ACSS3: variants seen among roughly 807,000 people sequenced by gnomAD.
ACSS3 encodes the protein acyl-CoA synthetase short chain family member 3.
Under a neutral mutation model 84.2 loss-of-function variants are expected in ACSS3, and 64 were observed. The observed-to-expected ratio is 0.76, with a 90% CI of 0.62 to 0.94. ACSS3 has a LOEUF of 0.94. Among genes scored for constraint, ACSS3 ranks in the 40% least tolerant of loss-of-function variants. The probability of loss-of-function intolerance (pLI) is 0.00; values close to 1 mark genes in which losing one functional copy is unlikely to be tolerated. For missense variants in ACSS3, 815 were observed against 867.6 expected (o/e 0.94, Z 0.76); for synonymous variants, 317 against 310.1 (o/e 1.02, Z -0.23).
chr12:81,258,761 A>G lies in ACSS3; in HGVS notation c.*3839A>G, dbSNP rs1258728150. On this transcript the variant is annotated 3_prime_UTR_variant, in exon 16 of 16. Coordinates refer to ENST00000548058, the MANE Select transcript of ACSS3 (RefSeq NM_024560.4). The stretch of plus-strand genomic sequence containing the variant: ...GGTTTCGTTTTCTCTAGTGGAAATG[A>G]GCCTCAGACTCTGCGGTGGTTGACA... 1 of 151,976 alleles carries G rather than the reference A, an allele frequency of 6.6e-6. No homozygotes were observed. The highest frequency in any genetic ancestry group is 1.5e-5 in the Non-Finnish European group (1 of 67,992). The allele number at this position is 151,976 out of a possible 1,614,324, so 9.4% of individuals were successfully genotyped here.
At chr12:81,104,054 G>T in intron 1 of ACSS3, among the ~76,000 whole-genome samples, 1 of 152,078 alleles carries the variant, frequency 6.6e-6, no homozygotes. Context: ...ACAAGACAGA[G>T]AAAATATACT....
At chr12:81,115,327 C>T (rs1033984000) in intron 2 of ACSS3, among the ~76,000 whole-genome samples, 6 of 152,074 alleles carry the variant, frequency 3.9e-5, no homozygotes, top group Non-Finnish European at 8.8e-5. Flanking sequence ...AAAACAGTGT[C>T]GACAATTCCA....
intron 11 of ACSS3, among the ~76,000 whole-genome samples, chr12:81,224,536 G>A (rs76565271): frequency 1.6e-3 from 243 of 147,572 alleles, no homozygotes; most frequent in African/African-American, 5.7e-3. Flanking sequence ...ATATATATAT[G>A]CATATACATA....
intron 9 of ACSS3, among the ~76,000 whole-genome samples, chr12:81,209,806 A>G (rs966763664): frequency 2.6e-5 from 4 of 152,154 alleles, no homozygotes; most frequent in African/African-American, 9.7e-5. Flanking sequence ...AGCACTTCCC[A>G]GAAGTGCGGG....
At chr12:81,150,254 CAT>C (rs1269562204) in intron 5 of ACSS3, among the ~76,000 whole-genome samples, 5 of 152,112 alleles carry the variant, frequency 3.3e-5, no homozygotes, top group African/African-American at 1.2e-4. Flanking sequence ...AATTTTAAAA[CAT>C]GTTTAATTGA....
chr12:81,182,489 T>A (rs2031001571), intron 8 of ACSS3, among the ~76,000 whole-genome samples: 1 of 152,132 alleles, frequency 6.6e-6, no homozygotes, highest in African/African-American at 2.4e-5. Flanking sequence ...GGTGCATAAA[T>A]CATACCTACA....
intron 7 of ACSS3, among the ~76,000 whole-genome samples, chr12:81,157,313 A>G (rs546627105): frequency 5.3e-5 from 8 of 152,212 alleles, no homozygotes; most frequent in Non-Finnish European, 5.9e-5. Flanking sequence ...TTCATTCATA[A>G]TGAAGAGCTA....
chr12:81,133,609 A>T (rs1170615463), intron 2 of ACSS3, among the ~76,000 whole-genome samples: 1 of 152,010 alleles, frequency 6.6e-6, no homozygotes, highest in African/African-American at 2.4e-5. Context: ...TTGCTTTCTT[A>T]GTGAGCTCCC....
intron 9 of ACSS3, 106 bp from the exon 10 acceptor site, chr12:81,216,795 G>A: frequency 3.6e-6 from 3 of 824,928 alleles, no homozygotes; most frequent in Non-Finnish European, 2.0e-6. Context: ...TCCTAACACA[G>A]CTGCATTGTA....
chr12:81,254,401 T>G (rs2034244872), intron 15 of ACSS3, among the ~76,000 whole-genome samples: 1 of 152,200 alleles, frequency 6.6e-6, no homozygotes, highest in Non-Finnish European at 1.5e-5. Context: ...ATGCTCTAAC[T>G]GATAAATGCT....
chr12:81,117,503 G>A (rs1286578375), intron 2 of ACSS3, among the ~76,000 whole-genome samples: 1 of 152,068 alleles, frequency 6.6e-6, no homozygotes, highest in African/African-American at 2.4e-5. Flanking sequence ...ATATTTGAGT[G>A]AAAATTGTAT....
intron 8 of ACSS3, among the ~76,000 whole-genome samples, chr12:81,199,080 T>TTA (rs748164139): frequency 5.1e-4 from 77 of 152,294 alleles, no homozygotes; most frequent in Non-Finnish European, 9.6e-4. Context: ...AGAGATCAAC[T>TTA]CAATTGCTCT....
At position 81,199,436 on chromosome 12, in the gene ACSS3, G is replaced by A; in HGVS notation, c.1346G>A (p.Trp449Ter). 6.2e-7 allele frequency: 1 copy of A among 1,612,454 alleles called. No individual in the cohort carries two copies. Among genetic ancestry groups the A allele is most frequent in the East Asian group, 2.2e-5 (1 of 44,808 alleles). ...AGAGTACCTGTCTTAGACCATTGGTGGCAAACTGGTAAGCATTTTCCTAGC... is the reference window on the plus strand; with the variant it reads ...AGAGTACCTGTCTTAGACCATTGGTAGCAAACTGGTAAGCATTTTCCTAGC... ...VFRVPVLDHWWQTETGSPITA... is the reference protein window; with the variant it reads ...VFRVPVLDHW The change falls in exon 9 of 16, where the codon TGG becomes TAG. Residue 449 changes from tryptophan to a stop codon, truncating the protein, a stop_gained. Transcript: ENST00000548058. LOFTEE classifies it high-confidence loss of function.
At chr12:81,191,505 T>C (rs180965261) in intron 8 of ACSS3, among the ~76,000 whole-genome samples, 176 of 152,284 alleles carry the variant, frequency 1.2e-3, no homozygotes, top group Middle Eastern at 3.4e-3. Context: ...TATGTACAAT[T>C]AATTTTATTT....
intron 9 of ACSS3, among the ~76,000 whole-genome samples, chr12:81,212,833 T>C (rs1420095438): frequency 6.6e-6 from 1 of 152,150 alleles, no homozygotes; most frequent in East Asian, 1.9e-4. Context: ...ACCATGAAGT[T>C]TGTCCTTTTT....
At chr12:81,213,954 T>C (rs559454460) in intron 9 of ACSS3, among the ~76,000 whole-genome samples, 39 of 37,002 alleles carry the variant, frequency 1.1e-3, no homozygotes, top group South Asian at 5.9e-3. Context: ...TCTCTCCCTC[T>C]CTCTCTTTCT....
At chr12:81,094,180 C>CTGTGTGTGTG (rs371392868) in intron 1 of ACSS3, among the ~76,000 whole-genome samples, 236 of 132,954 alleles carry the variant, frequency 1.8e-3, no homozygotes, top group African/African-American at 4.8e-3. Flanking sequence ...CTCTGTCTCT[C>CTGTGTGTGTG]TCTCTGTGTG....
intron 8 of ACSS3, among the ~76,000 whole-genome samples, chr12:81,197,942 AC>A (rs1036834374): frequency 6.6e-5 from 10 of 151,872 alleles, no homozygotes; most frequent in African/African-American, 2.4e-4. Flanking sequence ...AATATGTGCT[AC>A]CCCCGCTTAG....
chr12:81,146,799 A>G (rs759183163), intron 5 of ACSS3, among the ~76,000 whole-genome samples: 1 of 152,164 alleles, frequency 6.6e-6, no homozygotes, highest in Non-Finnish European at 1.5e-5. Flanking sequence ...CCTTTTAGGT[A>G]TGGGAGATTT....
Sources: gnomAD v4.1 joint callset for allele counts (sites outside exome capture counted in the v4.1 genomes callset) on GRCh38, gnomAD v4.1.1 for gene constraint, MANE v1.5 for transcripts, NCBI Gene and HGNC (gene_info 2026-07-23, HGNC 2026-07-21) for gene names.